EPHA8: variants seen among roughly 807,000 people sequenced by gnomAD.
EPHA8 encodes EPH receptor A8, also known as ephrin type-A receptor 8.
Under a neutral mutation model 103.6 loss-of-function variants are expected in EPHA8, and 58 were observed. The ratio of observed to expected loss-of-function variants is 0.56; its 90% CI spans 0.45 to 0.70. EPHA8 has a LOEUF of 0.70. EPHA8 is among the 30% of genes least tolerant of loss of function. The probability of loss-of-function intolerance (pLI) is 0.00; values close to 1 mark genes in which losing one functional copy is unlikely to be tolerated. For synonymous variants in EPHA8, 559 were observed against 572.5 expected, an observed-to-expected ratio of 0.98 and a Z score of 0.34; for missense variants, 1,304 against 1,395.2, an observed-to-expected ratio of 0.93 and a Z score of 1.04.
chr1:22,565,475 G>A (rs1258351670), intron 1 of EPHA8, among the ~76,000 whole-genome samples: 1 of 152,192 alleles, frequency 6.6e-6, no homozygotes, highest in Non-Finnish European at 1.5e-5. Context: ...CTGCACCCGA[G>A]AAGACGGCTT....
chr1:22,584,707 G>A (rs539484234), intron 3 of EPHA8, among the ~76,000 whole-genome samples: 10 of 152,222 alleles, frequency 6.6e-5, no homozygotes, highest in Admixed American at 4.6e-4. Context: ...TTCCATGGAC[G>A]GAGCCGGGAG....
chr1:22,578,936 T>C (rs1640926560), intron 3 of EPHA8, among the ~76,000 whole-genome samples: 2 of 151,238 alleles, frequency 1.3e-5, no homozygotes, highest in African/African-American at 2.4e-5. Flanking sequence ...TGTGTGCATG[T>C]GTGTATGTAT....
intron 13 of EPHA8, among the ~76,000 whole-genome samples, chr1:22,599,269 G>C (rs1430425094): frequency 6.6e-6 from 1 of 152,208 alleles, no homozygotes; most frequent in South Asian, 2.1e-4. Context: ...GGCCAGGGGA[G>C]ACCCCAGGGC....
chr1:22,588,987 T>C lies in EPHA8; in HGVS notation c.1096T>C (p.Cys366Arg), dbSNP rs1408724603. ...GRSDITYNAV[C>R]RRCPWALSRC... ...CAGTGACATCACCTACAATGCCGTG[T>C]GCCGCCGCTGCCCCTGGGCACTGAG... Residue 366 changes from cysteine to arginine, a missense_variant, in exon 5 of 17, where the codon TGC becomes CGC. Physicochemically the swap from Cys to Arg is radical, Grantham distance 180 (BLOSUM62 -3). Coordinates refer to ENST00000166244, the MANE Select transcript of EPHA8 (RefSeq NM_020526.5). 6.2e-7 allele frequency: 1 copy of C among 1,613,194 alleles called. No individual in the cohort carries two copies. Among genetic ancestry groups the C allele is most frequent in the Admixed American group, 1.7e-5 (1 of 60,002 alleles).
chr1:22,596,260 A>G, intron 9 of EPHA8, 87 bp downstream of exon 9: 1 of 1,344,822 alleles, frequency 7.4e-7, no homozygotes, highest in Non-Finnish European at 1.0e-6. Flanking sequence ...GATGGGAAGG[A>G]GGAAGGTGCC....
At chr1:22,579,157 GTATGTATGCA>G (rs1640953778) in intron 3 of EPHA8, among the ~76,000 whole-genome samples, 1 of 150,582 alleles carries the variant, frequency 6.6e-6, no homozygotes, top group Admixed American at 6.6e-5. Context: ...GTGCAAGAGT[GTATGTATGCA>G]TGTGTGTGCA....
In EPHA8 at chr1:22,573,488, C is replaced by A. The variant is rs76009087; in HGVS notation, c.160-2729C>A. 2.0e-3 allele frequency among the ~76,000 whole-genome samples: 312 copies of A among 152,330 alleles called. 8 individuals carry two copies. The East Asian group carries it at 0.049, about 24-fold the overall frequency. On this transcript the variant is annotated intron_variant, in intron 2 of 16. Transcript: ENST00000166244. ...AGACTTGAGATGCCCATGACCTTCTCTCTAGTGCTTGTGGAATAAGCCCAG... is the reference window on the plus strand; with the variant it reads ...AGACTTGAGATGCCCATGACCTTCTATCTAGTGCTTGTGGAATAAGCCCAG...
At chr1:22,570,350 A>G (rs903495099) in intron 2 of EPHA8, among the ~76,000 whole-genome samples, 1 of 115,342 alleles carries the variant, frequency 8.7e-6, no homozygotes, top group South Asian at 2.8e-4. Flanking sequence ...ATGCGTGGGT[A>G]CACACATGCA....
At position 22,569,206 on chromosome 1, in the gene EPHA8, C is replaced by T; in HGVS notation, c.95-83C>T. 7.3e-7 allele frequency: 1 copy of T among 1,370,070 alleles called. No individual in the cohort carries two copies. Among genetic ancestry groups the T allele is most frequent in the Non-Finnish European group, 1.0e-6 (1 of 962,870 alleles). 84.9% of individuals were successfully genotyped at this position (1,370,070 alleles called of 1,614,324 possible). ...CTGTGTGCTGGGGGCTGAGTGTGGACCAGTGTAGCTGGGTCAGGCTGCTCT... is the reference window on the plus strand; with the variant it reads ...CTGTGTGCTGGGGGCTGAGTGTGGATCAGTGTAGCTGGGTCAGGCTGCTCT... On this transcript the variant is annotated intron_variant, in intron 1 of 16. Transcript: ENST00000166244. The surrounding 1 kb of genome is among the most constrained non-coding windows in gnomAD (Gnocchi z 4.5).
rs542943867 is a variant in EPHA8, at chr1:22,601,697, C to T, written c.2974C>T (p.Arg992Trp). 8.2e-6 allele frequency: 13 copies of T among 1,581,462 alleles called. No homozygotes were observed. The highest frequency in any genetic ancestry group is 2.3e-5 in the South Asian group (2 of 86,870). ...KKILGSIQTM[R>W]AQLTSTQGPR... is the part of the protein sequence containing the mutation. ...GATCCTGGGCAGCATTCAGACCATG[C>T]GGGCCCAGCTGACCAGCACCCAGGG... The change falls in exon 17 of 17, where the codon CGG (arginine) becomes TGG (tryptophan). Residue 992 changes from arginine to tryptophan, a missense_variant. Transcript: ENST00000166244.
rs1235483348 is a variant in EPHA8, at chr1:22,563,774, G to C, written c.94+45G>C. 2.0e-5 allele frequency: 3 copies of C among 149,828 alleles called. No individual in the cohort carries two copies. The highest frequency in any genetic ancestry group is 4.5e-5 in the Non-Finnish European group (3 of 66,874). 9.3% of individuals were successfully genotyped at this position (149,828 alleles called of 1,614,324 possible). ...CGGGGCAGGGGCGGCCGAGGGGCGC[G>C]GGGCGCGGCGCGCGCTGCCTGCGGC... On this transcript the variant is annotated intron_variant, in intron 1 of 16. Transcript: ENST00000166244. This position sits in a 1 kb window ranked among gnomAD's most constrained non-coding sequence, Gnocchi z 4.4.
chr1:22,580,086 T>C (rs1446247825), intron 3 of EPHA8, among the ~76,000 whole-genome samples: 2 of 151,580 alleles, frequency 1.3e-5, no homozygotes, highest in Admixed American at 1.3e-4. Flanking sequence ...ACTAGGCCCT[T>C]TGAAGCCCTT....
intron 3 of EPHA8, among the ~76,000 whole-genome samples, chr1:22,586,278 T>TGG (rs1641202598): frequency 2.0e-5 from 3 of 151,966 alleles, no homozygotes; most frequent in African/African-American, 7.2e-5. Flanking sequence ...TGACTGGCTG[T>TGG]GGAACCCTGT....
At chr1:22,583,208 G>T (rs1641094380) in intron 3 of EPHA8, among the ~76,000 whole-genome samples, 1 of 152,224 alleles carries the variant, frequency 6.6e-6, no homozygotes. Flanking sequence ...GCAGGGCCGG[G>T]CCCCAGCCCA....
At chr1:22,577,492 C>T (rs1640743038) in intron 3 of EPHA8, among the ~76,000 whole-genome samples, 1 of 152,080 alleles carries the variant, frequency 6.6e-6, no homozygotes, top group South Asian at 2.1e-4. Flanking sequence ...GGTGAATGAG[C>T]ACACTGAGGG....
Position 22,576,890 on chromosome 1 carries a change from C to A in EPHA8, c.823+10C>A. The A allele has an allele frequency of 6.4e-7, 1 of 1,569,818 alleles. No homozygotes were observed. ...CGGGATGCCTGTGTGGGTGAGCGCG[C>A]CATGGCCTGGGCATGGGTCAGCCGG... On this transcript the variant is annotated intron_variant, in intron 3 of 16. Coordinates refer to ENST00000166244, the MANE Select transcript of EPHA8 (RefSeq NM_020526.5). The surrounding 1 kb of genome is among the most constrained non-coding windows in gnomAD (Gnocchi z 4.8).
chr1:22,588,314 C>T (rs1359368892), intron 4 of EPHA8, among the ~76,000 whole-genome samples: 2 of 151,756 alleles, frequency 1.3e-5, no homozygotes, highest in Non-Finnish European at 2.9e-5. Flanking sequence ...TCACCCCTCT[C>T]TCTCCAAAGT....
In EPHA8 at chr1:22,601,728, G is replaced by T; in HGVS notation, c.3005G>T (p.Arg1002Leu). ...RAQLTSTQGP[R>L]RHL is the part of the protein sequence containing the mutation. ...CAGCTGACCAGCACCCAGGGGCCCC[G>T]CCGGCACCTCTGATGTACAGCCAGC... Residue 1002 changes from arginine to leucine, a missense_variant, in exon 17 of 17, where the codon CGC becomes CTC. Transcript: ENST00000166244. 1 of 1,561,276 alleles carries T rather than the reference G, an allele frequency of 6.4e-7. No homozygotes were observed. The highest frequency in any genetic ancestry group is 8.7e-7 in the Non-Finnish European group (1 of 1,152,978).
At chr1:22,586,064 G>A (rs1485348827) in intron 3 of EPHA8, among the ~76,000 whole-genome samples, 1 of 152,148 alleles carries the variant, frequency 6.6e-6, no homozygotes, top group Non-Finnish European at 1.5e-5. Flanking sequence ...TCAGCCCCAT[G>A]GCCCTGGCCC....
Sources: gnomAD v4.1 joint callset for allele counts (sites outside exome capture counted in the v4.1 genomes callset) on GRCh38, gnomAD v4.1.1 for gene constraint, Gnocchi (gnomAD v3.1) non-coding constraint, MANE v1.5 for transcripts, NCBI Gene and HGNC (gene_info 2026-07-23, HGNC 2026-07-21) for gene names.